The following ALDH1L1 variants were observed in gnomAD, a reference collection of about 807,000 sequenced individuals.
ALDH1L1 encodes cytosolic 10-formyltetrahydrofolate dehydrogenase.
A neutral mutation model predicts 101.1 loss-of-function variants in ALDH1L1; 68 were observed. The observed-to-expected ratio is 0.67, with a 90% confidence interval of 0.55 to 0.82. The LOEUF (loss-of-function observed/expected upper bound fraction) is 0.82. Ranked by LOEUF, ALDH1L1 falls within the 40% of genes least tolerant of loss-of-function variation. The pLI is 0.00. For synonymous variants in ALDH1L1, 486 were observed against 470.8 expected (o/e 1.03, Z -0.42); for missense variants, 1,087 against 1,172.7 (o/e 0.93, Z 1.07).
chr3:126,126,232 G>A (rs567251099), intron 14 of ALDH1L1, among the ~76,000 whole-genome samples: 12 of 152,292 alleles, frequency 7.9e-5, no homozygotes, highest in African/African-American at 2.9e-4. Flanking sequence ...GTGCCACCCT[G>A]GGTTCTAGAG....
At chr3:126,164,674 C>T (rs1010474204) in intron 1 of ALDH1L1, among the ~76,000 whole-genome samples, 7 of 152,186 alleles carry the variant, frequency 4.6e-5, no homozygotes, top group South Asian at 4.1e-4. Flanking sequence ...AGTCCAACGA[C>T]GAACATACAA....
intron 16 of ALDH1L1, among the ~76,000 whole-genome samples, chr3:126,122,630 C>T (rs1394880309): frequency 6.6e-6 from 1 of 152,072 alleles, no homozygotes; most frequent in East Asian, 1.9e-4. Context: ...GGGTTTGTAA[C>T]ATATATAGAT....
intron 2 of ALDH1L1, chr3:126,160,305 C>T (rs1433763840): frequency 6.5e-6 from 1 of 152,848 alleles, no homozygotes; most frequent in Non-Finnish European, 1.5e-5. Flanking sequence ...AAATGCAGTT[C>T]CCCATTACCA....
At chr3:126,181,493 A>G (rs1212243813), upstream of ALDH1L1, 1 of 182,784 alleles carries the variant, frequency 5.5e-6, no homozygotes, top group Non-Finnish European at 1.2e-5. Flanking sequence ...GTTCTTTCAG[A>G]GCCTGCTCCC....
intron 18 of ALDH1L1, among the ~76,000 whole-genome samples, chr3:126,113,763 AT>A (rs1425179470): frequency 6.6e-6 from 1 of 152,234 alleles, no homozygotes; most frequent in African/African-American, 2.4e-5. Flanking sequence ...CTGGCTGAAC[AT>A]GGTCTTACTG....
At chr3:126,196,091 C>T (rs189012129) in intron 1 of ALDH1L1, among the ~76,000 whole-genome samples, 178 of 152,084 alleles carry the variant, frequency 1.2e-3, no homozygotes, top group African/African-American at 4.1e-3. Context: ...TGCACATGTA[C>T]CCTAGAACTT....
intron 8 of ALDH1L1, 81 bp from the exon 9 acceptor site, chr3:126,147,007 G>C (rs2080705274): frequency 2.9e-6 from 4 of 1,360,314 alleles, no homozygotes; most frequent in African/African-American, 2.9e-5. Context: ...CCCCTGAACA[G>C]ACTCATGGAT....
chr3:126,103,926 G>T (rs1945766015), intron 22 of ALDH1L1, 80 bp from the exon 23 acceptor site: 1 of 1,508,058 alleles, frequency 6.6e-7, no homozygotes, highest in East Asian at 2.4e-5. Context: ...TTATTCCTCA[G>T]CAACCACGTG....
At chr3:126,180,783 A>G, upstream of ALDH1L1, 1 of 1,472,916 alleles carries the variant, frequency 6.8e-7, no homozygotes, top group Non-Finnish European at 9.0e-7. Flanking sequence ...TTTCCCGCTT[A>G]GGTCAAGAAG....
chr3:126,135,276 T>A, intron 12 of ALDH1L1: 1 of 351,072 alleles, frequency 2.8e-6, no homozygotes, highest in Non-Finnish European at 5.1e-6. Context: ...CTTCCGCACC[T>A]CCTCACCTCC....
intron 3 of ALDH1L1, 76 bp from the exon 4 acceptor site, chr3:126,157,584 C>T: frequency 1.3e-6 from 2 of 1,506,836 alleles, no homozygotes; most frequent in Non-Finnish European, 9.0e-7. Context: ...GGCCCGTGGA[C>T]CTGCCACCCT....
At chr3:126,195,478 A>T (rs541622170) in intron 1 of ALDH1L1, among the ~76,000 whole-genome samples, 8 of 152,322 alleles carry the variant, frequency 5.3e-5, no homozygotes, top group African/African-American at 1.7e-4. Context: ...GCTGGAGAGG[A>T]TGTGGAGAAA....
intron 18 of ALDH1L1, 27 bp from the exon 19 acceptor site, chr3:126,112,907 G>T (rs1311390789): frequency 6.2e-7 from 1 of 1,605,230 alleles, no homozygotes; most frequent in South Asian, 1.1e-5. Flanking sequence ...AGAACACCAG[G>T]TCACTGCTCC....
upstream of ALDH1L1, chr3:126,180,967 A>C (rs769295415): frequency 6.2e-7 from 1 of 1,610,866 alleles, no homozygotes. Context: ...AGTACCTGCC[A>C]TGTGCTACGG....
At chr3:126,109,264 C>T (rs906184413) in intron 20 of ALDH1L1, among the ~76,000 whole-genome samples, 10 of 152,344 alleles carry the variant, frequency 6.6e-5, no homozygotes, top group South Asian at 2.1e-4. Flanking sequence ...GCAGCGTCAA[C>T]GGTCCATCCC....
chr3:126,178,036 G>A (rs564939398), intron 1 of ALDH1L1, among the ~76,000 whole-genome samples: 52 of 137,230 alleles, frequency 3.8e-4, no homozygotes, highest in African/African-American at 1.5e-3. Context: ...GAGCAAGACT[G>A]TTTCAAAAAG....
rs147480007 is a variant in ALDH1L1 at position 126,194,976 on chromosome 3, A to T, written c.-24+2759T>A. Among the ~76,000 whole-genome samples, 394 of 152,068 alleles carry T rather than the reference A, an allele frequency of 2.6e-3. 4 individuals carry two copies. Among genetic ancestry groups the T allele is most frequent in the African/African-American group, 8.9e-3 (369 of 41,476 alleles). On this transcript the variant is annotated intron_variant, in intron 1 of 2. Coordinates refer to the ALDH1L1 transcript ENST00000509952. ...TGCTTGGACTTTCTGACTTGTCCTA[A>T]ACATCCCTCTTTTTAAACAACTAGT...
chr3:126,140,281 GCAA>G (rs771521963), intron 9 of ALDH1L1, among the ~76,000 whole-genome samples: 12 of 152,242 alleles, frequency 7.9e-5, no homozygotes, highest in Admixed American at 1.3e-4. Context: ...GGGAAAAATG[GCAA>G]CAACGAATTC....
At chr3:126,136,713 AGGACAGGGAGGCT>A (rs926859367) in intron 11 of ALDH1L1, 38 bp downstream of exon 11, 1 of 1,550,690 alleles carries the variant, frequency 6.4e-7, no homozygotes, top group African/African-American at 1.4e-5. Context: ...CAGGGAAGGA[AGGACAGGGAGGCT>A]GGGGAATGTG....
Sources: gnomAD v4.1 joint callset for allele counts (sites outside exome capture counted in the v4.1 genomes callset) on GRCh38, gnomAD v4.1.1 for gene constraint, MANE v1.5 for transcripts, NCBI Gene and HGNC (gene_info 2026-07-23, HGNC 2026-07-21) for gene names.